ZCWPW2: variants seen among roughly 807,000 people sequenced by gnomAD.
ZCWPW2 encodes the protein zinc finger CW-type PWWP domain protein 2.
In ZCWPW2, 45 loss-of-function variants were observed where a neutral mutation model predicts 46.6. The ratio of observed to expected loss-of-function variants is 0.96; its 90% CI spans 0.76 to 1.24. The LOEUF (loss-of-function observed/expected upper bound fraction) is 1.24, where lower values mean the gene tolerates loss of function less well. ZCWPW2 is among the 50% of genes most tolerant of loss of function. The pLI, the probability that ZCWPW2 is intolerant of heterozygous loss-of-function variation, is 0.00. For missense variants in ZCWPW2, 429 were observed against 403.9 expected (o/e 1.06, Z -0.53); for synonymous variants, 152 against 137.1 (o/e 1.11, Z -0.76).
At chr3:28,363,539 G>C (rs1705015913) in intron 1 of ZCWPW2, among the ~76,000 whole-genome samples, 1 of 152,080 alleles carries the variant, frequency 6.6e-6, no homozygotes, top group African/African-American at 2.4e-5. Flanking sequence ...GCCCCACTCA[G>C]TGTTTGCCCA....
intron 2 of ZCWPW2, among the ~76,000 whole-genome samples, chr3:28,404,711 G>T (rs1696086971): frequency 6.6e-6 from 1 of 152,162 alleles, no homozygotes; most frequent in Non-Finnish European, 1.5e-5. Flanking sequence ...TAAAAAGAAT[G>T]AATTAATGGC....
chr3:28,349,091 G>T lies in ZCWPW2; in HGVS notation c.-246G>T, dbSNP rs940118763. On this transcript the variant is annotated 5_prime_UTR_variant, in exon 1 of 10. Transcript: ENST00000383768. ...CGTTAGCGAAGCCAGGTTCGGTCGTGGGGGTGGGGAAGTGCAGGAGTGGCG... is the reference window on the plus strand; with the variant it reads ...CGTTAGCGAAGCCAGGTTCGGTCGTTGGGGTGGGGAAGTGCAGGAGTGGCG... 1 of 985,744 alleles carries T rather than the reference G, an allele frequency of 1.0e-6. No individual in the cohort carries two copies. Among genetic ancestry groups the T allele is most frequent in the African/African-American group, 1.7e-5 (1 of 57,362 alleles). The allele number at this position is 985,744 out of a possible 1,614,324, so 61.1% of individuals were successfully genotyped here. A position where few individuals can be genotyped will look rare whatever the true frequency, so the allele number is the denominator to read the frequency against.
At chr3:28,400,891 CA>C (rs1294624715) in intron 2 of ZCWPW2, among the ~76,000 whole-genome samples, 1 of 151,948 alleles carries the variant, frequency 6.6e-6, no homozygotes, top group African/African-American at 2.4e-5. Context: ...CTTAAAAAAA[CA>C]AAGACGGCTG....
At chr3:28,373,127 G>A (rs1232799101) in intron 1 of ZCWPW2, among the ~76,000 whole-genome samples, 2 of 152,160 alleles carry the variant, frequency 1.3e-5, no homozygotes, top group Non-Finnish European at 2.9e-5. Context: ...ACAGGAGAGT[G>A]AAGCTATCTC....
intron 4 of ZCWPW2, among the ~76,000 whole-genome samples, chr3:28,453,651 G>A (rs1698309679): frequency 6.6e-6 from 1 of 151,956 alleles, no homozygotes; most frequent in African/African-American, 2.4e-5. Flanking sequence ...TCCCTTATAT[G>A]TAAAGTTGCC....
At chr3:28,445,715 A>T (rs1697964913) in intron 4 of ZCWPW2, among the ~76,000 whole-genome samples, 1 of 152,144 alleles carries the variant, frequency 6.6e-6, no homozygotes, top group African/African-American at 2.4e-5. Context: ...TAAATGGGTT[A>T]AACTCCCCAG....
chr3:28,446,578 A>G (rs944708032), intron 4 of ZCWPW2, among the ~76,000 whole-genome samples: 4 of 152,088 alleles, frequency 2.6e-5, no homozygotes, highest in African/African-American at 9.7e-5. Flanking sequence ...AACAATAAAT[A>G]TTTCAAATCA....
intron 3 of ZCWPW2, among the ~76,000 whole-genome samples, chr3:28,431,159 T>C (rs1697239810): frequency 6.6e-6 from 1 of 152,070 alleles, no homozygotes; most frequent in South Asian, 2.1e-4. Flanking sequence ...ATACTTTCTT[T>C]AGATTTTAAA....
intron 1 of ZCWPW2, among the ~76,000 whole-genome samples, chr3:28,353,144 A>G (rs1559469815): frequency 6.6e-6 from 1 of 151,842 alleles, no homozygotes; most frequent in Non-Finnish European, 1.5e-5. Context: ...AGATTGCACC[A>G]CTGCACTCCG....
chr3:28,381,715 G>A (rs1226044190), intron 1 of ZCWPW2, among the ~76,000 whole-genome samples: 1 of 152,120 alleles, frequency 6.6e-6, no homozygotes, highest in African/African-American at 2.4e-5. Context: ...GAGTCCAGGA[G>A]TTCGAGGCTG....
chr3:28,513,702 T>A (rs1700487103), intron 6 of ZCWPW2, among the ~76,000 whole-genome samples: 1 of 152,148 alleles, frequency 6.6e-6, no homozygotes, highest in Admixed American at 6.5e-5. Context: ...TATTAATAGC[T>A]TTGCATTTCA....
At chr3:28,405,668 G>A (rs377678355) in intron 2 of ZCWPW2, among the ~76,000 whole-genome samples, 8 of 152,044 alleles carry the variant, frequency 5.3e-5, no homozygotes, top group Non-Finnish European at 7.4e-5. Context: ...TAGAGACGGC[G>A]TTTCACTGTG....
In ZCWPW2 at chr3:28,398,481, G is replaced by A. The variant is rs577811469; in HGVS notation, c.-14+7864G>A. Among the ~76,000 whole-genome samples, 15 of 152,224 alleles carry A rather than the reference G, an allele frequency of 9.9e-5. No individual in the cohort carries two copies. In the South Asian group the frequency reaches 2.3e-3, roughly 23 times the overall value. On this transcript the variant is annotated intron_variant, in intron 2 of 9. Coordinates refer to ENST00000383768, the MANE Select transcript of ZCWPW2 (RefSeq NM_001040432.4). The stretch of plus-strand genomic sequence containing the variant: ...AACTCGGATGGATAGAACAGTGTGC[G>A]GAGGCTCACATCATGAATTTTTGAT...
At chr3:28,371,253 A>G (rs188051744) in intron 1 of ZCWPW2, among the ~76,000 whole-genome samples, 98 of 152,232 alleles carry the variant, frequency 6.4e-4, no homozygotes, top group African/African-American at 2.3e-3. Context: ...AATTTTTCTG[A>G]CGCTTGTTAA....
At chr3:28,518,078 G>T (rs1700622393) in intron 8 of ZCWPW2, among the ~76,000 whole-genome samples, 1 of 145,324 alleles carries the variant, frequency 6.9e-6, no homozygotes, top group Admixed American at 7.1e-5. Context: ...GGGGGTTGTG[G>T]TGAGCCAAGG....
At chr3:28,414,647 C>T (rs1403475633) in intron 3 of ZCWPW2, among the ~76,000 whole-genome samples, 2 of 120,708 alleles carry the variant, frequency 1.7e-5, no homozygotes, top group Non-Finnish European at 3.4e-5. Context: ...GTGATGTTCC[C>T]CTTCCTGTGT....
intron 4 of ZCWPW2, among the ~76,000 whole-genome samples, chr3:28,440,443 C>A (rs564708473): frequency 5.1e-4 from 78 of 152,298 alleles, no homozygotes; most frequent in African/African-American, 1.7e-3. Context: ...ACTTCCATTT[C>A]TACCTCTTGA....
intron 1 of ZCWPW2, among the ~76,000 whole-genome samples, chr3:28,373,691 G>A (rs761223317): frequency 6.6e-6 from 1 of 152,012 alleles, no homozygotes; most frequent in Non-Finnish European, 1.5e-5. Flanking sequence ...GGCCAGGCTG[G>A]TCTTGAACTC....
intron 6 of ZCWPW2, among the ~76,000 whole-genome samples, chr3:28,507,223 G>A (rs1020855422): frequency 6.6e-6 from 1 of 152,138 alleles, no homozygotes; most frequent in African/African-American, 2.4e-5. Flanking sequence ...AGTCATTGTG[G>A]AATATTTAAC....
Sources: allele counts gnomAD v4.1 joint callset (sites outside exome capture counted in the v4.1 genomes callset), GRCh38; gene constraint gnomAD v4.1.1; transcripts MANE v1.5; gene names NCBI Gene and HGNC (gene_info 2026-07-23, HGNC 2026-07-21).